CDH12: variants seen among roughly 807,000 people sequenced by gnomAD.
The protein encoded by CDH12 is cadherin-12.
CDH12 carries 41 observed loss-of-function variants against 74.1 expected under a neutral mutation model. The observed-to-expected ratio is 0.55, with a 90% CI of 0.43 to 0.72. The LOEUF is 0.72. Ranked by LOEUF, CDH12 falls within the 30% of genes least tolerant of loss-of-function variation. The pLI is 0.00. For synonymous variants in CDH12, 399 were observed against 355.0 expected, an observed-to-expected ratio of 1.12 and a Z score of -1.39; for missense variants, 945 against 977.2, an observed-to-expected ratio of 0.97 and a Z score of 0.44.
chr5:21,813,266 G>A (rs1417907447), intron 9 of CDH12, among the ~76,000 whole-genome samples: 1 of 152,072 alleles, frequency 6.6e-6, no homozygotes, highest in African/African-American at 2.4e-5. Flanking sequence ...ATCACCTGAG[G>A]TCAGGAGTTC....
intron 1 of CDH12, among the ~76,000 whole-genome samples, chr5:22,593,404 G>A (rs145497680): frequency 6.0e-4 from 92 of 152,144 alleles, no homozygotes; most frequent in African/African-American, 2.2e-3. Context: ...ACCCAGAAAC[G>A]TTACCTTCTT....
At chr5:22,633,682 G>T (rs1738693300) in intron 1 of CDH12, among the ~76,000 whole-genome samples, 1 of 152,140 alleles carries the variant, frequency 6.6e-6, no homozygotes, top group Non-Finnish European at 1.5e-5. Context: ...CCTGCTCTGA[G>T]AACTCCTGAT....
intron 5 of CDH12, among the ~76,000 whole-genome samples, chr5:22,064,002 CACACACACACACACACACAA>C (rs1277258302): frequency 6.7e-6 from 1 of 149,936 alleles, no homozygotes; most frequent in Non-Finnish European, 1.5e-5. Flanking sequence ...CACACACACA[CACACACACACACACACACAA>C]ACACACACAC....
chr5:21,801,101 T>C (rs1385232032), intron 10 of CDH12, among the ~76,000 whole-genome samples: 3 of 152,204 alleles, frequency 2.0e-5, no homozygotes, highest in East Asian at 3.9e-4. Context: ...TTATAGGTGA[T>C]GGATTCAGAT....
chr5:22,440,775 G>A (rs1409429724), intron 2 of CDH12, among the ~76,000 whole-genome samples: 2 of 152,136 alleles, frequency 1.3e-5, no homozygotes, highest in African/African-American at 4.8e-5. Flanking sequence ...AACGCTTATA[G>A]TTATATTGGG....
intron 1 of CDH12, among the ~76,000 whole-genome samples, chr5:22,725,188 G>A (rs923455951): frequency 4.6e-5 from 7 of 151,730 alleles, no homozygotes; most frequent in Non-Finnish European, 8.9e-5. Flanking sequence ...CAGTTTTCTT[G>A]TCTACCTGTT....
At chr5:22,429,321 T>A (rs985646865) in intron 2 of CDH12, among the ~76,000 whole-genome samples, 3 of 151,840 alleles carry the variant, frequency 2.0e-5, no homozygotes, top group African/African-American at 7.3e-5. Flanking sequence ...GCATTTTTTT[T>A]AGAGACACTT....
At chr5:22,733,399 G>A (rs1261029731) in intron 1 of CDH12, among the ~76,000 whole-genome samples, 1 of 150,370 alleles carries the variant, frequency 6.7e-6, no homozygotes, top group Non-Finnish European at 1.5e-5. Context: ...TATATGAAGT[G>A]ATCTTTTATC....
At chr5:22,798,539 AAC>A (rs1748347371) in intron 1 of CDH12, among the ~76,000 whole-genome samples, 1 of 152,098 alleles carries the variant, frequency 6.6e-6, no homozygotes, top group South Asian at 2.1e-4. Context: ...AGATATATTA[AAC>A]ACAGTCACAC....
chr5:22,358,332 C>CT (rs1329230244), intron 3 of CDH12, among the ~76,000 whole-genome samples: 3 of 43,990 alleles, frequency 6.8e-5, no homozygotes, highest in Non-Finnish European at 9.9e-5. Flanking sequence ...TAACTTGAAC[C>CT]CGGAGGCGGA....
chr5:21,895,486 A>G (rs1753081371), intron 6 of CDH12, among the ~76,000 whole-genome samples: 2 of 152,156 alleles, frequency 1.3e-5, no homozygotes, highest in Non-Finnish European at 2.9e-5. Context: ...GCCCTTAAGG[A>G]GCTGCTCTTC....
intron 1 of CDH12, among the ~76,000 whole-genome samples, chr5:22,649,502 A>G (rs1739619666): frequency 6.6e-6 from 1 of 152,052 alleles, no homozygotes; most frequent in Non-Finnish European, 1.5e-5. Flanking sequence ...AGGACAGCAG[A>G]AAGAACAGAG....
chr5:22,752,697 T>C (rs4351108), intron 1 of CDH12, among the ~76,000 whole-genome samples: 1 of 78,902 alleles, frequency 1.3e-5, no homozygotes, highest in Non-Finnish European at 2.5e-5. Context: ...TCAGCCTCCC[T>C]AGTAGCTGGG....
chr5:22,570,421 T>A (rs2126764947), intron 1 of CDH12, among the ~76,000 whole-genome samples: 1 of 152,230 alleles, frequency 6.6e-6, no homozygotes, highest in Non-Finnish European at 1.5e-5. Context: ...ACAGAAAGGA[T>A]GCTGTGTTCA....
At chr5:22,325,602 A>C (rs6452079) in intron 3 of CDH12, among the ~76,000 whole-genome samples, 91,587 of 152,028 alleles carry the variant, frequency 0.6, 28,496 homozygotes, top group South Asian at 0.76. Flanking sequence ...CAAAGGTAAT[A>C]ACGGCCAGGC....
intron 2 of CDH12, among the ~76,000 whole-genome samples, chr5:22,424,749 C>T (rs973637926): frequency 6.6e-6 from 1 of 152,030 alleles, no homozygotes; most frequent in African/African-American, 2.4e-5. Context: ...TATAGTCTTA[C>T]TCGTTTAATC....
chr5:22,386,916 G>A (rs1742023626), intron 3 of CDH12, among the ~76,000 whole-genome samples: 1 of 151,792 alleles, frequency 6.6e-6, no homozygotes, highest in Non-Finnish European at 1.5e-5. Context: ...TTTGAGAAAT[G>A]TGATTTACTT....
intron 5 of CDH12, among the ~76,000 whole-genome samples, chr5:22,035,842 T>A (rs1739143445): frequency 6.6e-6 from 1 of 152,108 alleles, no homozygotes; most frequent in South Asian, 2.1e-4. Context: ...ACTTGACCAC[T>A]GTGTCAAATC....
intron 1 of CDH12, among the ~76,000 whole-genome samples, chr5:22,807,616 C>A (rs1707075): frequency 0.026 from 4,024 of 152,284 alleles, 186 homozygotes; most frequent in African/African-American, 0.092. Context: ...CCACTACATA[C>A]CTAGGCTATG....
Sources: allele counts gnomAD v4.1 joint callset (sites outside exome capture counted in the v4.1 genomes callset), GRCh38; gene constraint gnomAD v4.1.1; transcripts MANE v1.5; gene names NCBI Gene and HGNC (gene_info 2026-07-23, HGNC 2026-07-21).